The following JAKMIP3 variants were observed in gnomAD, a reference collection of about 807,000 sequenced individuals.
JAKMIP3 encodes janus kinase and microtubule-interacting protein 3.
JAKMIP3 carries 58 observed loss-of-function variants against 118.5 expected under a neutral mutation model. That is an observed-to-expected ratio of 0.49 (90% CI 0.40 to 0.61). The LOEUF (loss-of-function observed/expected upper bound fraction) is 0.61. Among genes scored for constraint, JAKMIP3 ranks in the 20% least tolerant of loss-of-function variants. JAKMIP3 has a pLI of 0.00. For synonymous variants in JAKMIP3, 486 were observed against 451.2 expected (o/e 1.08, Z -0.98); for missense variants, 950 against 1,109.0 (o/e 0.86, Z 2.04).
intron 3 of JAKMIP3, among the ~76,000 whole-genome samples, chr10:132,132,663 G>A (rs370631117): frequency 8.5e-5 from 13 of 152,244 alleles, no homozygotes; most frequent in Non-Finnish European, 1.8e-4. Context: ...CCAGATTAAT[G>A]AGCAGTGTGG....
At chr10:132,151,295 C>T (rs1239175503) in intron 16 of JAKMIP3, among the ~76,000 whole-genome samples, 3 of 152,170 alleles carry the variant, frequency 2.0e-5, no homozygotes, top group Non-Finnish European at 4.4e-5. Context: ...CACATCCCCT[C>T]CCTCCATCCA....
intron 2 of JAKMIP3, among the ~76,000 whole-genome samples, chr10:132,109,111 CACAT>C (rs1407733335): frequency 5.6e-5 from 8 of 142,206 alleles, no homozygotes; most frequent in Middle Eastern, 3.5e-3. Context: ...TATACACACA[CACAT>C]ATATATATAC....
At chr10:132,064,738 T>C (rs567194771), upstream of JAKMIP3, among the ~76,000 whole-genome samples, 1 of 152,264 alleles carries the variant, frequency 6.6e-6, no homozygotes, top group African/African-American at 2.4e-5. This position sits in a 1 kb window ranked among gnomAD's most constrained non-coding sequence, Gnocchi z 4.4. Flanking sequence ...ATCAGGACAA[T>C]TTTTTGCTTG....
chr10:132,080,253 A>G (rs2041549290), intron 1 of JAKMIP3, among the ~76,000 whole-genome samples: 1 of 152,196 alleles, frequency 6.6e-6, no homozygotes, highest in Non-Finnish European at 1.5e-5. Context: ...CCGACAGTGT[A>G]CCAGGCTTCC....
chr10:132,139,410 G>A (rs1393653941), intron 9 of JAKMIP3, among the ~76,000 whole-genome samples: 2 of 67,828 alleles, frequency 2.9e-5, no homozygotes, highest in Non-Finnish European at 5.3e-5. Context: ...GAGTGTGTAT[G>A]TGTGAGTGTG....
chr10:132,100,601 G>T (rs141232722), intron 1 of JAKMIP3, among the ~76,000 whole-genome samples: 4,648 of 147,410 alleles, frequency 0.032, 112 homozygotes, highest in South Asian at 0.14. Context: ...GGGCCGGAGC[G>T]CAGGCCACGC....
intron 2 of JAKMIP3, among the ~76,000 whole-genome samples, chr10:132,105,209 C>G (rs1034419227): frequency 6.6e-6 from 1 of 152,216 alleles, no homozygotes; most frequent in African/African-American, 2.4e-5. Flanking sequence ...GGACAGCCCT[C>G]CCATCTGAGG....
At chr10:132,138,005 C>T (rs1589911646) in intron 8 of JAKMIP3, 114 bp from the exon 9 acceptor site, 5 of 998,582 alleles carry the variant, frequency 5.0e-6, no homozygotes, top group Non-Finnish European at 7.5e-6. Flanking sequence ...GACAAGCCAG[C>T]CCAGACACCG....
intron 11 of JAKMIP3, chr10:132,143,767 T>A (rs995934445): frequency 6.6e-6 from 1 of 152,198 alleles, no homozygotes; most frequent in African/African-American, 2.4e-5. Flanking sequence ...GACAGGCGTC[T>A]GAAGACATGG....
chr10:132,149,953 C>G, intron 15 of JAKMIP3, 29 bp from the exon 16 acceptor site: 1 of 1,417,198 alleles, frequency 7.1e-7, no homozygotes, highest in Non-Finnish European at 9.3e-7. Context: ...CCCGTGGCCA[C>G]TCACCCCTAC....
At chr10:132,170,880 A>G (rs767339434) in intron 23 of JAKMIP3, among the ~76,000 whole-genome samples, 28 of 152,172 alleles carry the variant, frequency 1.8e-4, no homozygotes, top group Non-Finnish European at 2.9e-4. Context: ...GGGATCAGGG[A>G]GTGAGCCTCG....
chr10:132,116,532 C>T (rs1368126353), intron 2 of JAKMIP3, among the ~76,000 whole-genome samples: 1 of 141,442 alleles, frequency 7.1e-6, no homozygotes, highest in South Asian at 2.4e-4. Flanking sequence ...TGGACGCTCC[C>T]CCCGAATACA....
In JAKMIP3 at chr10:132,180,618, T is replaced by TGCGC. The variant is rs71228745; in HGVS notation, c.*1104-1738_*1104-1737insCGCG. Reference sequence around the variant, plus strand: ...GTGTGCGTGCGCGTGTGTGTGTGCGTGTGTGTGCGTGTGTGCGTGCGTGTG... The same window carrying TGCGC: ...GTGTGCGTGCGCGTGTGTGTGTGCGTGCGCGTGTGTGCGTGTGTGCGTGCGTGTG... On this transcript the variant is annotated intron_variant, in intron 23 of 23. Coordinates refer to ENST00000684848, the MANE Select transcript of JAKMIP3 (RefSeq NM_001323087.2). 1.7e-4 allele frequency among the ~76,000 whole-genome samples: 4 copies of TGCGC among 24,204 alleles called. 1 individual carries two copies. Among genetic ancestry groups the TGCGC allele is most frequent in the South Asian group, 3.5e-3 (2 of 568 alleles). The allele number at this position is 24,204 out of a possible 152,430, so 15.9% of individuals were successfully genotyped here. A position where few individuals can be genotyped will look rare whatever the true frequency, so the allele number is the denominator to read the frequency against.
At chr10:132,163,661 G>A (rs1483813583) in intron 20 of JAKMIP3, among the ~76,000 whole-genome samples, 4 of 152,028 alleles carry the variant, frequency 2.6e-5, no homozygotes, top group African/African-American at 9.7e-5. Context: ...GAATGGCCAC[G>A]CCCCCTGCTG....
intron 3 of JAKMIP3, among the ~76,000 whole-genome samples, chr10:132,131,487 G>C (rs934560698): frequency 7.9e-5 from 12 of 151,750 alleles, no homozygotes; most frequent in African/African-American, 2.9e-4. Context: ...GGAGATGGGA[G>C]CTCTGGGGCA....
At chr10:132,047,688 C>G (rs1258269038) in intron 1 of JAKMIP3, among the ~76,000 whole-genome samples, 1 of 52,622 alleles carries the variant, frequency 1.9e-5, no homozygotes, top group Non-Finnish European at 3.9e-5. Flanking sequence ...TCCCGTCCCG[C>G]CCCCCGCAGG....
intron 6 of JAKMIP3, 68 bp from the exon 7 acceptor site, chr10:132,136,951 C>G: frequency 6.5e-7 from 1 of 1,545,286 alleles, no homozygotes; most frequent in Non-Finnish European, 8.7e-7. Flanking sequence ...GACCCCCCCG[C>G]CGACCCACTG....
In JAKMIP3 at chr10:132,104,796, A is replaced by G. The variant is rs756938396; in HGVS notation, c.-13A>G. 3 of 1,548,978 alleles carry G rather than the reference A, an allele frequency of 1.9e-6. No individual in the cohort carries two copies. Among genetic ancestry groups the G allele is most frequent in the Non-Finnish European group, 2.6e-6 (3 of 1,145,742 alleles). On this transcript the variant is annotated 5_prime_UTR_variant, in exon 2 of 24. Coordinates refer to ENST00000684848, the MANE Select transcript of JAKMIP3 (RefSeq NM_001323087.2). The stretch of plus-strand genomic sequence containing the variant: ...CCTACCCCTGGGCATCCCCCTGGCC[A>G]TCCAGCCTCACCATGTCCAAGAGGG...
At chr10:132,040,127 G>T (rs1398350737) in intron 1 of JAKMIP3, among the ~76,000 whole-genome samples, 1 of 152,132 alleles carries the variant, frequency 6.6e-6, no homozygotes, top group African/African-American at 2.4e-5. Flanking sequence ...GGGGGGGTGG[G>T]CCCTTTGGGA....
Sources: allele counts gnomAD v4.1 joint callset (sites outside exome capture counted in the v4.1 genomes callset), GRCh38; gene constraint gnomAD v4.1.1; non-coding constraint Gnocchi (gnomAD v3.1); transcripts MANE v1.5; gene names NCBI Gene and HGNC (gene_info 2026-07-23, HGNC 2026-07-21).